KCNH7: variants seen among roughly 807,000 people sequenced by gnomAD.
The protein encoded by KCNH7 is voltage-gated inwardly rectifying potassium channel KCNH7.
Under a neutral mutation model 120.8 loss-of-function variants are expected in KCNH7, and 49 were observed. The ratio of observed to expected loss-of-function variants is 0.41; its 90% CI spans 0.32 to 0.51. The LOEUF (loss-of-function observed/expected upper bound fraction) is 0.51, where lower values mean the gene tolerates loss of function less well. Among genes scored for constraint, KCNH7 ranks in the 20% least tolerant of loss-of-function variants. The pLI is 0.38. For synonymous variants in KCNH7, 547 were observed against 516.1 expected, an observed-to-expected ratio of 1.06 and a Z score of -0.81; for missense variants, 1,097 against 1,446.6, an observed-to-expected ratio of 0.76 and a Z score of 3.92.
chr2:162,737,255 T>A (rs188935195), intron 2 of KCNH7, among the ~76,000 whole-genome samples: 1 of 152,182 alleles, frequency 6.6e-6, no homozygotes, highest in Admixed American at 6.5e-5. Flanking sequence ...AGGTAAGGGC[T>A]CGTAAGCTCT....
intron 11 of KCNH7, among the ~76,000 whole-genome samples, chr2:162,394,821 T>G (rs1686859024): frequency 6.6e-6 from 1 of 151,890 alleles, no homozygotes; most frequent in Non-Finnish European, 1.5e-5. Flanking sequence ...AAAATAAGAA[T>G]AATACAGTTG....
At chr2:162,723,551 C>A (rs1249345955) in intron 2 of KCNH7, among the ~76,000 whole-genome samples, 1 of 152,190 alleles carries the variant, frequency 6.6e-6, no homozygotes, top group Non-Finnish European at 1.5e-5. Context: ...CTCAGTTTAA[C>A]TTTAGCAACT....
chr2:162,793,554 A>G (rs1340169511), intron 2 of KCNH7, among the ~76,000 whole-genome samples: 1 of 152,092 alleles, frequency 6.6e-6, no homozygotes, highest in Non-Finnish European at 1.5e-5. Flanking sequence ...TATACTGAAA[A>G]CTATAAAACA....
chr2:162,671,649 A>C (rs567742308), intron 2 of KCNH7, among the ~76,000 whole-genome samples: 1 of 152,218 alleles, frequency 6.6e-6, no homozygotes, highest in African/African-American at 2.4e-5. Context: ...CTAAAAACCC[A>C]AACTTCACCA....
intron 2 of KCNH7, among the ~76,000 whole-genome samples, chr2:162,547,313 C>T (rs16846869): frequency 0.1 from 15,442 of 151,976 alleles, 923 homozygotes; most frequent in East Asian, 0.22. Flanking sequence ...TCAAGCTGGG[C>T]CTGACATGAT....
At chr2:162,747,274 T>G (rs1688348556) in intron 2 of KCNH7, among the ~76,000 whole-genome samples, 1 of 152,152 alleles carries the variant, frequency 6.6e-6, no homozygotes, top group South Asian at 2.1e-4. Flanking sequence ...AGAAGCTTTA[T>G]TTAAATGGGG....
chr2:162,726,114 A>AT (rs762083595), intron 2 of KCNH7, among the ~76,000 whole-genome samples: 3 of 152,042 alleles, frequency 2.0e-5, no homozygotes, highest in Non-Finnish European at 2.9e-5. Context: ...TGATCTATAG[A>AT]TTTTTACCTA....
chr2:162,413,288 C>T (rs1361428784), intron 9 of KCNH7, among the ~76,000 whole-genome samples: 1 of 152,034 alleles, frequency 6.6e-6, no homozygotes, highest in Non-Finnish European at 1.5e-5. Flanking sequence ...GCCACCACGA[C>T]CAGCTAATTT....
At chr2:162,524,263 A>T (rs1691627708) in intron 3 of KCNH7, among the ~76,000 whole-genome samples, 1 of 152,018 alleles carries the variant, frequency 6.6e-6, no homozygotes, top group Admixed American at 6.6e-5. Flanking sequence ...ATTCTGCCAA[A>T]TTGAAGCCAG....
Position 162,372,064 on chromosome 2 carries a change from T to A in KCNH7, c.3356A>T (p.Lys1119Ile), listed in dbSNP as rs1307984532. The A allele has an allele frequency of 6.2e-7, 1 of 1,613,082 alleles. No individual in the cohort carries two copies. The highest frequency in any genetic ancestry group is 8.5e-7 in the Non-Finnish European group (1 of 1,179,306). The change falls in exon 16 of 16, where the codon AAA becomes ATA. Residue 1119 changes from lysine (K) to isoleucine (I), a missense_variant. Lys to Ile is a moderately radical substitution (Grantham distance 102, BLOSUM62 -3). Around this residue, in one of 8 missense-constraint regions of KCNH7, gnomAD observed 406 missense variants for 410.5 expected, o/e 0.99. Coordinates refer to ENST00000332142, the MANE Select transcript of KCNH7 (RefSeq NM_033272.4). The part of the protein sequence containing the change: ...CPEFLDLEKS[K>I]LKSKESLSSG... ...TGAAAGGGATTCTTTGGATTTAAGTTTAGATTTTTCAAGGTCTAGAAATTC... is the reference window on the plus strand; with the variant it reads ...TGAAAGGGATTCTTTGGATTTAAGTATAGATTTTTCAAGGTCTAGAAATTC...
At chr2:162,395,029 C>G (rs927786398) in intron 11 of KCNH7, among the ~76,000 whole-genome samples, 33 of 151,686 alleles carry the variant, frequency 2.2e-4, no homozygotes, top group African/African-American at 8.0e-4. Context: ...ATATCCTCAT[C>G]CTTATGATTT....
At chr2:162,611,339 T>A (rs889861833) in intron 2 of KCNH7, among the ~76,000 whole-genome samples, 1 of 152,160 alleles carries the variant, frequency 6.6e-6, no homozygotes, top group African/African-American at 2.4e-5. Context: ...GAACAAGAGA[T>A]CTTATTCCGT....
intron 2 of KCNH7, among the ~76,000 whole-genome samples, chr2:162,574,223 A>G (rs1225042570): frequency 6.6e-6 from 1 of 152,088 alleles, no homozygotes; most frequent in Non-Finnish European, 1.5e-5. Flanking sequence ...TAATAAACAT[A>G]AATGTTTAAT....
intron 2 of KCNH7, among the ~76,000 whole-genome samples, chr2:162,770,847 C>T (rs988558978): frequency 8.5e-5 from 13 of 152,136 alleles, no homozygotes; most frequent in African/African-American, 3.1e-4. Flanking sequence ...ATCTCAATTG[C>T]ACTGGACCCA....
At chr2:162,834,774 A>T (rs917855089) in intron 2 of KCNH7, among the ~76,000 whole-genome samples, 2 of 152,156 alleles carry the variant, frequency 1.3e-5, no homozygotes, top group African/African-American at 4.8e-5. Context: ...CTTGCGGTGT[A>T]ATAGATAACT....
chr2:162,546,859 A>G (rs1350693567), intron 2 of KCNH7, among the ~76,000 whole-genome samples: 2 of 152,128 alleles, frequency 1.3e-5, no homozygotes, highest in African/African-American at 4.8e-5. Flanking sequence ...TATTTAAAAA[A>G]AAAAGAGTCC....
chr2:162,551,355 G>C (rs540445535), intron 2 of KCNH7, among the ~76,000 whole-genome samples: 1 of 151,938 alleles, frequency 6.6e-6, no homozygotes, highest in Non-Finnish European at 1.5e-5. Flanking sequence ...CTATATTCAT[G>C]AATGAAAAAA....
chr2:162,419,187 G>T (rs986455492), intron 9 of KCNH7, among the ~76,000 whole-genome samples: 2 of 146,198 alleles, frequency 1.4e-5, no homozygotes, highest in Non-Finnish European at 3.0e-5. Flanking sequence ...TATCCACCCA[G>T]CTGAGAGTTT....
chr2:162,391,293 G>A (rs768777587), intron 12 of KCNH7, among the ~76,000 whole-genome samples: 13 of 152,056 alleles, frequency 8.5e-5, no homozygotes, highest in Non-Finnish European at 1.5e-4. Flanking sequence ...TTTATATTAT[G>A]TGTATTTTTC....
Sources: gnomAD v4.1 joint callset for allele counts (sites outside exome capture counted in the v4.1 genomes callset) on GRCh38, gnomAD v4.1.1 for gene constraint, gnomAD v4.1.1 regional missense constraint, MANE v1.5 for transcripts, NCBI Gene and HGNC (gene_info 2026-07-23, HGNC 2026-07-21) for gene names.